Variants in NPM2 observed in about 807,000 individuals in gnomAD.
NPM2 encodes the protein nucleoplasmin-2.
In NPM2, 25 loss-of-function variants were observed where a neutral mutation model predicts 32.0. The observed-to-expected ratio is 0.78, with a 90% CI of 0.57 to 1.09. The LOEUF is 1.09. NPM2 is among the 50% of genes least tolerant of loss of function. The probability of loss-of-function intolerance (pLI) is 0.00; values close to 1 mark genes in which losing one functional copy is unlikely to be tolerated. For synonymous variants in NPM2, 111 were observed against 94.2 expected (o/e 1.18, Z -1.04); for missense variants, 282 against 259.9 (o/e 1.08, Z -0.58).
Position 22,025,292 on chromosome 8 carries a change from C to T in NPM2, c.44C>T (p.Thr15Met), listed in dbSNP as rs1339435461. 3.1e-6 allele frequency: 5 copies of T among 1,610,164 alleles called. No individual in the cohort carries two copies. In the African/African-American group the frequency reaches 6.7e-5, roughly 22 times the overall value. ...AGTAGCACGGAGGAAAAGGCAGTGA[C>T]GACCGTGCTCTGGGGTGAGTGGGGA... ...SASSTEEKAV[T>M]TVLWGCELSQ... The change falls in exon 3 of 10, where the codon ACG becomes ATG. Residue 15 changes from threonine to methionine, a missense_variant. Transcript: ENST00000518119.
intron 6 of NPM2, 127 bp from the exon 7 acceptor site, chr8:22,033,982 C>T (rs1800528515): frequency 2.1e-6 from 3 of 1,418,752 alleles, no homozygotes; most frequent in African/African-American, 1.4e-5. Context: ...CAGGTAACCA[C>T]TGTCAACTCC....
chr8:22,025,820 A>G, intron 5 of NPM2, 48 bp downstream of exon 5: 1 of 1,610,900 alleles, frequency 6.2e-7, no homozygotes, highest in African/African-American at 1.3e-5. Context: ...CCTCACCCTC[A>G]CCCTTGGGTG....
chr8:22,035,172 G>A (rs1239005594), intron 8 of NPM2, among the ~76,000 whole-genome samples: 3 of 152,226 alleles, frequency 2.0e-5, no homozygotes, highest in Non-Finnish European at 4.4e-5. Context: ...CATTCTAAAT[G>A]TCTACCAATA....
intron 2 of NPM2, 191 bp downstream of exon 2, chr8:22,025,021 G>T (rs1181073711): frequency 3.7e-6 from 2 of 544,640 alleles, no homozygotes; most frequent in Non-Finnish European, 6.4e-6. Context: ...GCGCCCGGTC[G>T]AGCCCCGGGC....
chr8:22,024,327 A>T lies in NPM2; in HGVS notation c.-437A>T, dbSNP rs1800155823. On this transcript the variant is annotated 5_prime_UTR_variant, in exon 1 of 10. In the 5' UTR this introduces an upstream ATG that the reference lacks. Coordinates refer to ENST00000518119, the MANE Select transcript of NPM2 (RefSeq NM_001286680.2). ...GCTGTATAAGGCATGGGGAAAGGAA[A>T]GGAAGAAAGGCAACGAACAAGAAGG... 1 of 152,392 alleles carries T rather than the reference A, an allele frequency of 6.6e-6. No homozygotes were observed. Among genetic ancestry groups the T allele is most frequent in the African/African-American group, 2.4e-5 (1 of 41,464 alleles). The allele number at this position is 152,392 out of a possible 1,614,324, so 9.4% of individuals were successfully genotyped here. A position where few individuals can be genotyped will look rare whatever the true frequency, so the allele number is the denominator to read the frequency against.
chr8:22,025,922 C>T, intron 5 of NPM2, 150 bp downstream of exon 5: 1 of 1,150,662 alleles, frequency 8.7e-7, no homozygotes, highest in Non-Finnish European at 1.2e-6. Context: ...GGGTCCAGCC[C>T]AGCTCACCCC....
In NPM2 at chr8:22,030,804, C is replaced by G. The variant is rs529569405; in HGVS notation, c.271-2326C>G. On this transcript the variant is annotated intron_variant, in intron 5 of 9. Transcript: ENST00000518119. The stretch of plus-strand genomic sequence containing the variant: ...AAGCGATCTTCCGGCCTCAGCCCCC[C>G]CGAGTAGCCTGGGCTACAGGCGTGC... Among the ~76,000 whole-genome samples, 9 of 152,196 alleles carry G rather than the reference C, an allele frequency of 5.9e-5. No individual in the cohort carries two copies. The East Asian group carries it at 1.7e-3, about 29-fold the overall frequency.
At chr8:22,026,533 C>A (rs1800261665) in intron 5 of NPM2, among the ~76,000 whole-genome samples, 1 of 147,988 alleles carries the variant, frequency 6.8e-6, no homozygotes, top group Admixed American at 6.8e-5. Flanking sequence ...CAGCTCACTG[C>A]AATTTCTGCC....
chr8:22,025,320 C>G lies in NPM2; in HGVS notation c.58+14C>G, dbSNP rs1800202973. ...CCGTGCTCTGGGGTGAGTGGGGACT[C>G]AGGCTCCTTCCCAGAGACACGCCCC... is the stretch of plus-strand genomic sequence containing the variant. On this transcript the variant is annotated intron_variant, in intron 3 of 9. Transcript: ENST00000518119. 6.2e-7 allele frequency: 1 copy of G among 1,604,346 alleles called. No individual in the cohort carries two copies. Among genetic ancestry groups the G allele is most frequent in the Non-Finnish European group, 8.5e-7 (1 of 1,175,702 alleles).
chr8:22,024,930 C>T (rs937516532), intron 2 of NPM2, 100 bp downstream of exon 2: 18 of 388,968 alleles, frequency 4.6e-5, no homozygotes, highest in East Asian at 2.1e-4. Context: ...GGCCCAAGCG[C>T]AGCCAGGTGA....
chr8:22,033,324 G>A, intron 6 of NPM2, 101 bp downstream of exon 6: 3 of 969,724 alleles, frequency 3.1e-6, no homozygotes, highest in Non-Finnish European at 4.9e-6. Flanking sequence ...CTTGAATGTT[G>A]GAAGAAAATC....
At chr8:22,025,819 C>A in intron 5 of NPM2, 47 bp downstream of exon 5, 1 of 1,612,050 alleles carries the variant, frequency 6.2e-7, no homozygotes, top group African/African-American at 1.3e-5. Flanking sequence ...GCCTCACCCT[C>A]ACCCTTGGGT....
intron 5 of NPM2, among the ~76,000 whole-genome samples, chr8:22,032,396 G>C (rs73543590): frequency 2.4e-4 from 36 of 152,310 alleles, no homozygotes; most frequent in Admixed American, 1.1e-3. Flanking sequence ...TCACGCTCGT[G>C]TGTAAGGTGT....
At chr8:22,026,923 C>T (rs183489886) in intron 5 of NPM2, among the ~76,000 whole-genome samples, 46 of 152,206 alleles carry the variant, frequency 3.0e-4, no homozygotes, top group African/African-American at 1.1e-3. Flanking sequence ...CATCTAAAAC[C>T]CTCTGCTTTT....
At chr8:22,036,371 C>A in intron 8 of NPM2, 122 bp from the exon 9 acceptor site, 1 of 924,086 alleles carries the variant, frequency 1.1e-6, no homozygotes, top group Non-Finnish European at 1.6e-6. Flanking sequence ...CCGAGTGGTC[C>A]CCAGGAGGAG....
At chr8:22,034,578 C>G (rs1398375255) in intron 8 of NPM2, 34 bp downstream of exon 8, 1 of 1,550,414 alleles carries the variant, frequency 6.4e-7, no homozygotes, top group Non-Finnish European at 8.9e-7. Context: ...TAGCCAAAGT[C>G]TCCAGCTGAG....
At chr8:22,028,912 T>G (rs1209591203) in intron 5 of NPM2, among the ~76,000 whole-genome samples, 2 of 152,228 alleles carry the variant, frequency 1.3e-5, no homozygotes, top group African/African-American at 4.8e-5. Flanking sequence ...GCATGTACTT[T>G]GTACCCCTAC....
At position 22,025,077 on chromosome 8, in the gene NPM2, G is replaced by T. The variant is rs531341636; in HGVS notation, c.-33-139G>T. On this transcript the variant is annotated intron_variant, in intron 2 of 9. Coordinates refer to ENST00000518119, the MANE Select transcript of NPM2 (RefSeq NM_001286680.2). ...GGGTACTCGTCCTCCAGGAGTTGCC[G>T]GTGAGCCCTTGACCGTGGCAGGTCC... is the stretch of plus-strand genomic sequence containing the variant. 10 of 641,668 alleles carry T rather than the reference G, an allele frequency of 1.6e-5. No individual in the cohort carries two copies. In the African/African-American group the frequency reaches 1.9e-4, roughly 12 times the overall value. 39.7% of individuals were successfully genotyped at this position (641,668 alleles called of 1,614,324 possible). A position where few individuals can be genotyped will look rare whatever the true frequency, so the allele number is the denominator to read the frequency against.
rs188293206 is a variant in NPM2, at chr8:22,025,363, G to C, written c.58+57G>C. The stretch of plus-strand genomic sequence containing the variant: ...CACGCCCCACCTCCGGTGCGCGGCA[G>C]CTTGGGGCGCAGGTGAGCCCCTCCT... On this transcript the variant is annotated intron_variant, in intron 3 of 9. Coordinates refer to ENST00000518119, the MANE Select transcript of NPM2 (RefSeq NM_001286680.2). 4.1e-5 allele frequency: 66 copies of C among 1,601,112 alleles called. No individual in the cohort carries two copies. In the African/African-American group the frequency reaches 7.0e-4, roughly 17 times the overall value.
Sources: allele counts gnomAD v4.1 joint callset (sites outside exome capture counted in the v4.1 genomes callset), GRCh38; gene constraint gnomAD v4.1.1; transcripts MANE v1.5; gene names NCBI Gene and HGNC (gene_info 2026-07-23, HGNC 2026-07-21).